DCAF8L2: variants seen among roughly 807,000 people sequenced by gnomAD.
DCAF8L2 encodes DDB1- and CUL4-associated factor 8-like protein 2.
For missense variants in DCAF8L2, 430 were observed against 490.7 expected (o/e 0.88, Z 1.17); for synonymous variants, 200 against 190.9 (o/e 1.05, Z -0.39).
the DCAF8L2 span, among the ~76,000 whole-genome samples, chrX:27,524,361 G>T: frequency 1.8e-5 from 2 of 111,657 alleles, no homozygotes. Flanking sequence ...TATTTCTGTG[G>T]GATCAGTGGT....
intron 3 of DCAF8L2, among the ~76,000 whole-genome samples, chrX:27,712,819 G>A (rs1262186462): frequency 8.9e-6 from 1 of 111,821 alleles, no homozygotes; most frequent in Non-Finnish European, 1.9e-5. Flanking sequence ...TTAGGCGCTT[G>A]CTTCTCCAAA....
intron 3 of DCAF8L2, among the ~76,000 whole-genome samples, chrX:27,701,958 A>G (rs1931143547): frequency 9.0e-6 from 1 of 111,144 alleles, no homozygotes; most frequent in Non-Finnish European, 1.9e-5. Flanking sequence ...GAAACTGACA[A>G]ACTTTTAGCT....
chrX:27,737,494 G>GA (rs1347512096), intron 4 of DCAF8L2, among the ~76,000 whole-genome samples: 1 of 111,462 alleles, frequency 9.0e-6, no homozygotes, highest in Non-Finnish European at 1.9e-5. Flanking sequence ...GGGCCCAGAA[G>GA]AAAATTCACA....
At chrX:27,586,817 C>A (rs1367922249), upstream of DCAF8L2, among the ~76,000 whole-genome samples, 1 of 110,641 alleles carries the variant, frequency 9.0e-6, no homozygotes, top group Non-Finnish European at 1.9e-5. Context: ...TCCTGCAGAT[C>A]ATGGGGAGTT....
At chrX:27,506,707 T>G in the DCAF8L2 span, among the ~76,000 whole-genome samples, 2 of 111,377 alleles carry the variant, frequency 1.8e-5, no homozygotes, top group South Asian at 7.6e-4. Context: ...TTATTTATTT[T>G]GAGAAGTAGT....
At chrX:27,718,569 T>C (rs745842047) in intron 4 of DCAF8L2, among the ~76,000 whole-genome samples, 5 of 111,196 alleles carry the variant, frequency 4.5e-5, no homozygotes, top group African/African-American at 1.6e-4. Context: ...TTTCAATCGG[T>C]AGACTGAGTA....
the DCAF8L2 span, among the ~76,000 whole-genome samples, chrX:27,569,527 T>C: frequency 8.9e-6 from 1 of 112,298 alleles, no homozygotes; most frequent in African/African-American, 3.2e-5. Context: ...TTGATGGGAC[T>C]TATTTGGCAA....
the DCAF8L2 span, among the ~76,000 whole-genome samples, chrX:27,482,231 C>A: frequency 9.0e-6 from 1 of 111,347 alleles, no homozygotes; most frequent in African/African-American, 3.3e-5. Flanking sequence ...AGAAACGTAA[C>A]AAATCTTTTA....
chrX:27,625,661 G>A (rs112012373), intron 1 of DCAF8L2, among the ~76,000 whole-genome samples: 6,172 of 111,674 alleles, frequency 0.055, 412 homozygotes, highest in African/African-American at 0.19. Context: ...CGTATACACC[G>A]TGGAATACTA....
chrX:27,560,614 C>T, the DCAF8L2 span, among the ~76,000 whole-genome samples: 1 of 111,992 alleles, frequency 8.9e-6, no homozygotes, highest in Non-Finnish European at 1.9e-5. Context: ...TTCCACATTA[C>T]ATGTTTTTTC....
chrX:27,743,490 C>T (rs1486417091), intron 4 of DCAF8L2, among the ~76,000 whole-genome samples: 1 of 110,026 alleles, frequency 9.1e-6, no homozygotes, highest in South Asian at 3.9e-4. Context: ...CTCTGCCTCC[C>T]GGGTTCAAGC....
At chrX:27,471,541 G>A in the DCAF8L2 span, among the ~76,000 whole-genome samples, 6 of 110,282 alleles carry the variant, frequency 5.4e-5, no homozygotes, top group Non-Finnish European at 5.7e-5. Flanking sequence ...AGACCTCCAC[G>A]CCCCTATATT....
chrX:27,638,269 C>T (rs1253161075), intron 2 of DCAF8L2, among the ~76,000 whole-genome samples: 1 of 111,620 alleles, frequency 9.0e-6, no homozygotes, highest in Non-Finnish European at 1.9e-5. Flanking sequence ...CAGATCTCAA[C>T]AGCTGGAGTC....
At chrX:27,731,341 CAGTG>C (rs1237662957) in intron 4 of DCAF8L2, among the ~76,000 whole-genome samples, 1 of 111,265 alleles carries the variant, frequency 9.0e-6, no homozygotes, top group East Asian at 2.8e-4. Flanking sequence ...GCGGAGGTTG[CAGTG>C]AGCCGAGATT....
chrX:27,608,353 T>C (rs769279246), intron 1 of DCAF8L2, among the ~76,000 whole-genome samples: 36 of 112,031 alleles, frequency 3.2e-4, no homozygotes, highest in African/African-American at 1.1e-3. Flanking sequence ...GTCCTTTACA[T>C]ACTGATCATG....
chrX:27,494,950 A>G, the DCAF8L2 span, among the ~76,000 whole-genome samples: 1 of 110,793 alleles, frequency 9.0e-6, no homozygotes, highest in African/African-American at 3.3e-5. Flanking sequence ...TTTTTGCATG[A>G]GTTGTTTTAG....
chrX:27,475,363 A>G, the DCAF8L2 span, among the ~76,000 whole-genome samples: 1 of 112,163 alleles, frequency 8.9e-6, no homozygotes, highest in African/African-American at 3.2e-5. Flanking sequence ...TTGTTACCAG[A>G]CTAGAGCCAA....
At chrX:27,489,242 C>T in the DCAF8L2 span, among the ~76,000 whole-genome samples, 33 of 111,207 alleles carry the variant, frequency 3.0e-4, no homozygotes, top group Non-Finnish European at 4.7e-4. Context: ...GGACTACAGG[C>T]GCCCACCACC....
the DCAF8L2 span, among the ~76,000 whole-genome samples, chrX:27,502,333 A>AAAAAAAAAAAT: frequency 4.3e-5 from 1 of 23,306 alleles, no homozygotes; most frequent in African/African-American, 1.8e-4. Flanking sequence ...AAAAAAAAAA[A>AAAAAAAAAAAT]AAATATATAT....
Sources: gnomAD v4.1 joint callset for allele counts (sites outside exome capture counted in the v4.1 genomes callset) on GRCh38, gnomAD v4.1.1 for gene constraint, MANE v1.5 for transcripts, NCBI Gene and HGNC (gene_info 2026-07-23, HGNC 2026-07-21) for gene names.